Variants in CSMD1 observed in about 807,000 individuals in gnomAD.
CSMD1 encodes the protein CUB and Sushi multiple domains 1.
In CSMD1, 213 loss-of-function variants were observed where a neutral mutation model predicts 417.5. The observed-to-expected ratio is 0.51, with a 90% confidence interval of 0.46 to 0.57. The LOEUF is 0.57. CSMD1 is among the 20% of genes least tolerant of loss of function. The pLI is 0.00. For synonymous variants in CSMD1, 2,862 were observed against 1,736.8 expected (o/e 1.65, Z -16.11); for missense variants, 6,923 against 4,529.7 (o/e 1.53, Z -15.17).
intron 1 of CSMD1, among the ~76,000 whole-genome samples, chr8:4,673,492 G>T (rs1805479089): frequency 6.6e-6 from 1 of 152,066 alleles, no homozygotes; most frequent in Non-Finnish European, 1.5e-5. Flanking sequence ...GGAAATGATT[G>T]CTATGTGTTT....
chr8:3,819,135 T>C (rs1801568378), intron 5 of CSMD1, among the ~76,000 whole-genome samples: 1 of 152,168 alleles, frequency 6.6e-6, no homozygotes, highest in Non-Finnish European at 1.5e-5. Flanking sequence ...TTTGCTGGTC[T>C]AGCAGGCGGA....
chr8:3,142,510 T>G lies in CSMD1; in HGVS notation c.6196A>C (p.Ser2066Arg). 1 of 1,613,998 alleles carries G rather than the reference T, an allele frequency of 6.2e-7. No individual in the cohort carries two copies. Among genetic ancestry groups the G allele is most frequent in the East Asian group, 2.2e-5 (1 of 44,880 alleles). ...CCTTGCCGGTTTTGCGAATGGTCAC[T>G]ATAAAAGTGGATGAGGGTTTCATGC... Reference protein sequence around the residue: ...TTHETLIHFYSDHSQNRQGFK... With the variant: ...TTHETLIHFYRDHSQNRQGFK... Residue 2066 changes from serine (S) to arginine (R), a missense_variant, in exon 41 of 70, where the codon AGT (serine) becomes CGT (arginine). Coordinates refer to ENST00000635120, the MANE Select transcript of CSMD1 (RefSeq NM_033225.6).
chr8:3,794,322 T>A (rs1309670973), intron 5 of CSMD1, among the ~76,000 whole-genome samples: 1 of 152,168 alleles, frequency 6.6e-6, no homozygotes, highest in Non-Finnish European at 1.5e-5. Context: ...CTGCGCCTGG[T>A]GATTTTTAAG....
intron 5 of CSMD1, among the ~76,000 whole-genome samples, chr8:3,897,142 T>C (rs1483252039): frequency 6.6e-6 from 1 of 152,200 alleles, no homozygotes; most frequent in Non-Finnish European, 1.5e-5. Flanking sequence ...CCAGTGTTTT[T>C]AAAACAGGAG....
chr8:3,418,816 G>A (rs1342671320), intron 12 of CSMD1, among the ~76,000 whole-genome samples: 1 of 152,142 alleles, frequency 6.6e-6, no homozygotes, highest in Non-Finnish European at 1.5e-5. Context: ...GGAAGAATGA[G>A]TCATTTTAAA....
At position 3,927,196 on chromosome 8, in the gene CSMD1, T is replaced by A. The variant is rs191065001; in HGVS notation, c.818+70707A>T. ...TATAATTTATTAGAGATATTATATCTAACAGCTTCTAATAAATAAATGCTA... is the reference window on the plus strand; with the variant it reads ...TATAATTTATTAGAGATATTATATCAAACAGCTTCTAATAAATAAATGCTA... On this transcript the variant is annotated intron_variant, in intron 5 of 69. Transcript: ENST00000635120. Among the ~76,000 whole-genome samples the A allele has an allele frequency of 3.1e-3, 466 of 152,106 alleles. 4 individuals carry two copies. Among genetic ancestry groups the A allele is most frequent in the Middle Eastern group, 0.01 (3 of 294 alleles).
At position 3,574,939 on chromosome 8, in the gene CSMD1, C is replaced by G. The variant is rs1328938982; in HGVS notation, c.1344+6G>C. 6.2e-7 allele frequency: 1 copy of G among 1,611,810 alleles called. No homozygotes were observed. Among genetic ancestry groups the G allele is most frequent in the African/African-American group, 1.3e-5 (1 of 74,964 alleles). On this transcript the variant is annotated splice_donor_region_variant and intron_variant, in intron 10 of 69. Coordinates refer to ENST00000635120, the MANE Select transcript of CSMD1 (RefSeq NM_033225.6). Reference sequence around the variant, plus strand: ...TTAACCACAGGGGTTGGAGGCGGAGCCTTACCTTGTCCGGGTCGGTGGTGG... The same window carrying G: ...TTAACCACAGGGGTTGGAGGCGGAGGCTTACCTTGTCCGGGTCGGTGGTGG...
At position 4,836,392 on chromosome 8, in the gene CSMD1, G is replaced by A. The variant is rs568199358; in HGVS notation, c.85+157940C>T. On this transcript the variant is annotated intron_variant, in intron 1 of 69. Coordinates refer to ENST00000635120, the MANE Select transcript of CSMD1 (RefSeq NM_033225.6). ...CCACATCTTGCTGACTGACACTGAC[G>A]CCTCAGCTGGGATTGTTATCACCAG... Among the ~76,000 whole-genome samples the A allele has an allele frequency of 2.2e-4, 34 of 152,252 alleles. 1 individual carries two copies. Among genetic ancestry groups the A allele is most frequent in the Admixed American group, 9.2e-4 (14 of 15,292 alleles).
chr8:4,508,178 T>G (rs1476058890), intron 2 of CSMD1, among the ~76,000 whole-genome samples: 1 of 149,988 alleles, frequency 6.7e-6, no homozygotes, highest in Non-Finnish European at 1.5e-5. Context: ...TTTTTTCAAT[T>G]CTGAGGAGGT....
At chr8:3,303,620 C>A (rs1171586109) in intron 25 of CSMD1, among the ~76,000 whole-genome samples, 1 of 152,146 alleles carries the variant, frequency 6.6e-6, no homozygotes, top group Non-Finnish European at 1.5e-5. Context: ...ATTACACTGG[C>A]AGAAAAGCAA....
intron 2 of CSMD1, among the ~76,000 whole-genome samples, chr8:4,632,142 C>T (rs534429415): frequency 6.6e-6 from 1 of 152,312 alleles, no homozygotes; most frequent in South Asian, 2.1e-4. Context: ...GAGAGAGTTA[C>T]ATTAAGTCAC....
intron 2 of CSMD1, among the ~76,000 whole-genome samples, chr8:4,532,858 C>G (rs1260268437): frequency 6.6e-6 from 1 of 151,542 alleles, no homozygotes; most frequent in South Asian, 2.1e-4. Flanking sequence ...ATGTTGCACC[C>G]CCATTCAGTC....
intron 12 of CSMD1, among the ~76,000 whole-genome samples, chr8:3,434,538 G>T (rs537098240): frequency 6.6e-6 from 1 of 152,160 alleles, no homozygotes; most frequent in South Asian, 2.1e-4. Flanking sequence ...TGATTATGAA[G>T]TACAAATATT....
At chr8:3,726,773 A>T (rs1226898724) in intron 6 of CSMD1, among the ~76,000 whole-genome samples, 1 of 152,196 alleles carries the variant, frequency 6.6e-6, no homozygotes, top group South Asian at 2.1e-4. Flanking sequence ...CCTTATTCTT[A>T]GCATGCCCTC....
intron 39 of CSMD1, 104 bp from the exon 40 acceptor site, chr8:3,151,617 G>C: frequency 1.4e-6 from 1 of 708,620 alleles, no homozygotes; most frequent in Non-Finnish European, 2.4e-6. Flanking sequence ...GCAAGTCTTC[G>C]GAGTTAATTC....
At chr8:3,544,250 T>C (rs1018364173) in intron 10 of CSMD1, among the ~76,000 whole-genome samples, 1 of 152,148 alleles carries the variant, frequency 6.6e-6, no homozygotes, top group Non-Finnish European at 1.5e-5. Flanking sequence ...TGCCCCGACA[T>C]CCTGATACCT....
intron 2 of CSMD1, among the ~76,000 whole-genome samples, chr8:4,618,791 C>G (rs1585339943): frequency 1.3e-5 from 2 of 152,274 alleles, no homozygotes; most frequent in South Asian, 4.1e-4. Context: ...CAAAACATTT[C>G]TGACTTCACT....
intron 23 of CSMD1, among the ~76,000 whole-genome samples, chr8:3,309,092 G>A (rs1805121504): frequency 6.6e-6 from 1 of 152,008 alleles, no homozygotes; most frequent in Non-Finnish European, 1.5e-5. Flanking sequence ...CTGCACCCTG[G>A]ATTCTCTGGT....
At position 4,021,677 on chromosome 8, in the gene CSMD1, C is replaced by A. The variant is rs111372378; in HGVS notation, c.610+10228G>T. ...CCTTTTCTCTTTTGGCGCATACCTG[C>A]GAAACTTGTTCGGAGTGACTATTTT... On this transcript the variant is annotated intron_variant, in intron 4 of 69. Transcript: ENST00000635120. 3.3e-5 allele frequency among the ~76,000 whole-genome samples: 5 copies of A among 152,258 alleles called. No individual in the cohort carries two copies. In the South Asian group the frequency reaches 1.0e-3, roughly 32 times the overall value.
Sources: gnomAD v4.1 joint callset for allele counts (sites outside exome capture counted in the v4.1 genomes callset) on GRCh38, gnomAD v4.1.1 for gene constraint, MANE v1.5 for transcripts, NCBI Gene and HGNC (gene_info 2026-07-23, HGNC 2026-07-21) for gene names.